GABRB1: variants seen among roughly 807,000 people sequenced by gnomAD.
GABRB1 encodes gamma-aminobutyric acid type A receptor subunit beta1.
A neutral mutation model predicts 51.6 loss-of-function variants in GABRB1; 17 were observed. That is an observed-to-expected ratio of 0.33 (90% CI 0.23 to 0.49). The LOEUF (loss-of-function observed/expected upper bound fraction) is 0.49, where lower values mean the gene tolerates loss of function less well. GABRB1 is among the 20% of genes least tolerant of loss of function. The probability of loss-of-function intolerance (pLI) is 0.99; values close to 1 mark genes in which losing one functional copy is unlikely to be tolerated. For synonymous variants in GABRB1, 247 were observed against 218.9 expected, an observed-to-expected ratio of 1.13 and a Z score of -1.14; for missense variants, 410 against 600.6, an observed-to-expected ratio of 0.68 and a Z score of 3.32.
chr4:47,111,719 G>A (rs1715218345), intron 3 of GABRB1, among the ~76,000 whole-genome samples: 1 of 151,810 alleles, frequency 6.6e-6, no homozygotes, highest in Non-Finnish European at 1.5e-5. Flanking sequence ...ACAACAATTA[G>A]CTGGGCAGGG....
chr4:47,331,411 T>A (rs1000673207), intron 5 of GABRB1, among the ~76,000 whole-genome samples: 1 of 152,178 alleles, frequency 6.6e-6, no homozygotes, highest in African/African-American at 2.4e-5. Context: ...TCAACTTGAC[T>A]ATAAAGTTAG....
intron 1 of GABRB1, among the ~76,000 whole-genome samples, chr4:47,023,904 C>A (rs1725007872): frequency 6.6e-6 from 1 of 151,794 alleles, no homozygotes; most frequent in African/African-American, 2.4e-5. Flanking sequence ...ATTTCCTCCC[C>A]TTCTTTTTCT....
chr4:47,019,576 T>C (rs77163195), intron 1 of GABRB1, among the ~76,000 whole-genome samples: 210 of 147,464 alleles, frequency 1.4e-3, no homozygotes, highest in East Asian at 5.2e-3. Flanking sequence ...TCTCTCTCTC[T>C]CCCTCCTTCC....
intron 4 of GABRB1, among the ~76,000 whole-genome samples, chr4:47,317,623 A>G (rs1366882730): frequency 6.6e-6 from 1 of 152,004 alleles, no homozygotes; most frequent in Non-Finnish European, 1.5e-5. Context: ...TGTAATGCTT[A>G]AATAAATTCA....
intron 5 of GABRB1, among the ~76,000 whole-genome samples, chr4:47,385,040 G>A (rs773443100): frequency 2.0e-5 from 3 of 152,044 alleles, no homozygotes; most frequent in Admixed American, 2.0e-4. Flanking sequence ...TACACTTTCC[G>A]GAGAATATTA....
At chr4:47,001,178 T>G (rs1724167722) in intron 1 of GABRB1, among the ~76,000 whole-genome samples, 1 of 152,224 alleles carries the variant, frequency 6.6e-6, no homozygotes, top group Non-Finnish European at 1.5e-5. Context: ...AGTCTCGCTC[T>G]GTCGCCCAGG....
intron 4 of GABRB1, among the ~76,000 whole-genome samples, chr4:47,263,011 G>A (rs1309656542): frequency 7.4e-6 from 1 of 135,218 alleles, no homozygotes; most frequent in South Asian, 2.6e-4. Flanking sequence ...CATAGACACA[G>A]GAAGGGGAAC....
intron 4 of GABRB1, among the ~76,000 whole-genome samples, chr4:47,317,930 T>A (rs1273538585): frequency 6.6e-6 from 1 of 152,002 alleles, no homozygotes; most frequent in Non-Finnish European, 1.5e-5. Flanking sequence ...ATCCTTTTAA[T>A]GTGCTATTGA....
chr4:47,254,796 G>A (rs1014456679), intron 4 of GABRB1, among the ~76,000 whole-genome samples: 1 of 152,082 alleles, frequency 6.6e-6, no homozygotes, highest in Non-Finnish European at 1.5e-5. Context: ...TTATTATATA[G>A]TTAACCTTGA....
intron 3 of GABRB1, among the ~76,000 whole-genome samples, chr4:47,044,566 G>A (rs557566215): frequency 2.4e-4 from 37 of 151,994 alleles, no homozygotes; most frequent in Admixed American, 2.4e-3. Context: ...TGAGTGTCAC[G>A]AGATATATAT....
intron 1 of GABRB1, among the ~76,000 whole-genome samples, chr4:47,004,103 C>G (rs948571894): frequency 6.6e-5 from 10 of 152,086 alleles, no homozygotes; most frequent in Non-Finnish European, 1.0e-4. Context: ...GTTCCCCTGC[C>G]TCAGCCTCCC....
chr4:47,311,159 C>T (rs867272914), intron 4 of GABRB1, among the ~76,000 whole-genome samples: 12 of 151,282 alleles, frequency 7.9e-5, no homozygotes, highest in Middle Eastern at 6.8e-3. Flanking sequence ...TCTGGGAGGC[C>T]AAGGCGGGTG....
intron 8 of GABRB1, among the ~76,000 whole-genome samples, chr4:47,413,773 C>T (rs1346963953): frequency 1.3e-5 from 2 of 152,136 alleles, no homozygotes; most frequent in Non-Finnish European, 2.9e-5. Flanking sequence ...TTCAGGAGTG[C>T]TTGCTTTGTC....
chr4:47,206,413 A>G (rs922024050), intron 4 of GABRB1, among the ~76,000 whole-genome samples: 13 of 152,016 alleles, frequency 8.6e-5, no homozygotes, highest in African/African-American at 1.4e-4. Context: ...TTTCAAAGGT[A>G]TATCTAATTC....
At chr4:47,239,333 G>A (rs1441158261) in intron 4 of GABRB1, among the ~76,000 whole-genome samples, 1 of 152,126 alleles carries the variant, frequency 6.6e-6, no homozygotes, top group Non-Finnish European at 1.5e-5. Context: ...TCCATTGTGT[G>A]AATATATCAC....
In GABRB1 at chr4:47,254,361, G is replaced by GGTTTTTTTTTTTTTTTTT. The variant is rs1305298443; in HGVS notation, c.462-65766_462-65765insGTTTTTTTTTTTTTTTTT. Among the ~76,000 whole-genome samples, 5 of 80,966 alleles carry GGTTTTTTTTTTTTTTTTT rather than the reference G, an allele frequency of 6.2e-5. 2 individuals carry two copies. The highest frequency in any genetic ancestry group is 4.5e-5 in the Non-Finnish European group (2 of 44,332). The allele number at this position is 80,966 out of a possible 152,430, so 53.1% of individuals were successfully genotyped here. A position where few individuals can be genotyped will look rare whatever the true frequency, so the allele number is the denominator to read the frequency against. ...ATGGTGGATGATGTTTCTTTTCTTT[G>GGTTTTTTTTTTTTTTTTT]TTTTTTTTTTTTTTTTTTTTTTTTT... On this transcript the variant is annotated intron_variant, in intron 4 of 8. Transcript: ENST00000295454.
At chr4:47,170,812 T>G (rs1718407550) in intron 4 of GABRB1, among the ~76,000 whole-genome samples, 1 of 152,154 alleles carries the variant, frequency 6.6e-6, no homozygotes, top group Non-Finnish European at 1.5e-5. Flanking sequence ...GCCTGGAGAC[T>G]TTACAATTCC....
At chr4:47,142,439 A>G (rs961420226) in intron 3 of GABRB1, among the ~76,000 whole-genome samples, 10 of 151,984 alleles carry the variant, frequency 6.6e-5, no homozygotes, top group South Asian at 2.1e-4. Flanking sequence ...GTGGCTAGGC[A>G]TATAAATAGA....
intron 4 of GABRB1, among the ~76,000 whole-genome samples, chr4:47,220,156 CT>C (rs754013229): frequency 6.6e-6 from 1 of 151,936 alleles, no homozygotes; most frequent in South Asian, 2.1e-4. Flanking sequence ...ATCATCCCAT[CT>C]TTTTTCTTTA....
Sources: gnomAD v4.1 joint callset for allele counts (sites outside exome capture counted in the v4.1 genomes callset) on GRCh38, gnomAD v4.1.1 for gene constraint, MANE v1.5 for transcripts, NCBI Gene and HGNC (gene_info 2026-07-23, HGNC 2026-07-21) for gene names.